GABBR2: variants seen among roughly 807,000 people sequenced by gnomAD.
GABBR2 encodes gamma-aminobutyric acid type B receptor subunit 2.
Under a neutral mutation model 105.6 loss-of-function variants are expected in GABBR2, and 23 were observed. The observed-to-expected ratio is 0.22, with a 90% CI of 0.16 to 0.31. GABBR2 has a LOEUF of 0.31. GABBR2 is among the 10% of genes least tolerant of loss of function. GABBR2 has a pLI of 1.00. For missense variants in GABBR2, 734 were observed against 1,245.5 expected, an observed-to-expected ratio of 0.59 and a Z score of 6.18; for synonymous variants, 478 against 499.7, an observed-to-expected ratio of 0.96 and a Z score of 0.58.
At chr9:98,666,430 T>G (rs1830334740) in intron 1 of GABBR2, among the ~76,000 whole-genome samples, 1 of 152,216 alleles carries the variant, frequency 6.6e-6, no homozygotes, top group Admixed American at 6.5e-5. Flanking sequence ...CTAGAGACAT[T>G]GCCCCCAAAA....
chr9:98,457,760 G>T (rs1826351565), intron 6 of GABBR2, among the ~76,000 whole-genome samples: 1 of 152,182 alleles, frequency 6.6e-6, no homozygotes, highest in South Asian at 2.1e-4. Context: ...ATTCATCATT[G>T]TTCCCAGGCG....
intron 3 of GABBR2, among the ~76,000 whole-genome samples, chr9:98,538,080 A>C (rs542855363): frequency 6.6e-6 from 1 of 152,332 alleles, no homozygotes; most frequent in African/African-American, 2.4e-5. Context: ...TGCCCCATGA[A>C]TCACTGGAGA....
rs117705687 is a variant in GABBR2, at chr9:98,695,288, C to T, written c.321+13129G>A. On this transcript the variant is annotated intron_variant, in intron 1 of 18. Transcript: ENST00000259455. ...GGGCATGGCAGACACCAAACAGATG[C>T]TGTGCCTGTCCTCATGGACTGGCCC... 2.8e-3 allele frequency among the ~76,000 whole-genome samples: 426 copies of T among 152,314 alleles called. 6 individuals carry two copies. In the East Asian group the frequency reaches 0.036, roughly 13 times the overall value.
At chr9:98,435,410 C>T (rs757094731) in intron 7 of GABBR2, among the ~76,000 whole-genome samples, 1 of 152,154 alleles carries the variant, frequency 6.6e-6, no homozygotes, top group Non-Finnish European at 1.5e-5. Context: ...GGTAAAACAC[C>T]AAGCCCTATC....
Position 98,369,557 on chromosome 9 carries a change from G to A in GABBR2, c.1770+1907C>T, listed in dbSNP as rs185764674. On this transcript the variant is annotated intron_variant, in intron 12 of 18. Coordinates refer to ENST00000259455, the MANE Select transcript of GABBR2 (RefSeq NM_005458.8). ...AAAGACTAAGAGCTTTGTCTAACAC[G>A]GCAGATCAGCAGTGGAGCAGAGCCT... is the stretch of plus-strand genomic sequence containing the variant. Among the ~76,000 whole-genome samples, 108 of 152,310 alleles carry A rather than the reference G, an allele frequency of 7.1e-4. 1 individual carries two copies. The highest frequency in any genetic ancestry group is 2.0e-3 in the Admixed American group (31 of 15,298).
At chr9:98,465,784 A>G (rs1245297563) in intron 6 of GABBR2, among the ~76,000 whole-genome samples, 2 of 152,250 alleles carry the variant, frequency 1.3e-5, no homozygotes, top group Non-Finnish European at 2.9e-5. Flanking sequence ...AAACTGTGGC[A>G]AAGACAGAAG....
intron 7 of GABBR2, among the ~76,000 whole-genome samples, chr9:98,447,063 C>CTTT (rs369338702): frequency 8.6e-6 from 1 of 116,338 alleles, no homozygotes. Flanking sequence ...AAAAAGACTT[C>CTTT]TTTTTTTTTT....
At chr9:98,374,635 T>A (rs557428151) in intron 11 of GABBR2, among the ~76,000 whole-genome samples, 1 of 152,190 alleles carries the variant, frequency 6.6e-6, no homozygotes. Context: ...CTAAAAACCC[T>A]GGGCGTGTCA....
chr9:98,386,560 C>G (rs961337361), intron 10 of GABBR2, among the ~76,000 whole-genome samples: 1 of 152,162 alleles, frequency 6.6e-6, no homozygotes, highest in East Asian at 1.9e-4. Flanking sequence ...CTGCATCCTT[C>G]TCTGTCATTT....
intron 9 of GABBR2, among the ~76,000 whole-genome samples, chr9:98,390,082 T>G (rs1323402898): frequency 6.6e-6 from 1 of 152,132 alleles, no homozygotes; most frequent in Non-Finnish European, 1.5e-5. Flanking sequence ...TTAGAAATAT[T>G]CAGTGGCTTT....
rs1827250969 is a variant in GABBR2 at position 98,495,053 on chromosome 9, TC to T, written c.732+1359del. Among the ~76,000 whole-genome samples the T allele has an allele frequency of 2.0e-5, 3 of 152,232 alleles. No individual in the cohort carries two copies. The South Asian group carries it at 6.2e-4, about 32-fold the overall frequency. On this transcript the variant is annotated intron_variant, in intron 4 of 18. Transcript: ENST00000259455. ...GCAGAGCAGCCACCCCACCCCTGAA[TC>T]CTCCAGGCCCAACACAGCCTGTGAC... is the stretch of plus-strand genomic sequence containing the variant.
At chr9:98,639,789 G>C (rs1421230093) in intron 1 of GABBR2, among the ~76,000 whole-genome samples, 1 of 151,960 alleles carries the variant, frequency 6.6e-6, no homozygotes, top group Non-Finnish European at 1.5e-5. Context: ...CAGCTCCAAG[G>C]GTCCCGGTGG....
At chr9:98,447,222 C>T (rs1002360913) in intron 7 of GABBR2, among the ~76,000 whole-genome samples, 2 of 141,328 alleles carry the variant, frequency 1.4e-5, no homozygotes, top group East Asian at 2.2e-4. Flanking sequence ...CCACTACGCC[C>T]GGCTAATTTT....
chr9:98,322,280 A>C (rs1830837224), intron 13 of GABBR2, among the ~76,000 whole-genome samples: 1 of 152,100 alleles, frequency 6.6e-6, no homozygotes, highest in African/African-American at 2.4e-5. Context: ...CTGTCTGCCC[A>C]GGTGAGACCA....
At chr9:98,401,227 C>T (rs565403479) in intron 8 of GABBR2, among the ~76,000 whole-genome samples, 200 of 152,246 alleles carry the variant, frequency 1.3e-3, no homozygotes, top group South Asian at 2.5e-3. Context: ...GAAATGAAGG[C>T]TCAAAGAGAC....
At chr9:98,685,270 A>G (rs1321192408) in intron 1 of GABBR2, among the ~76,000 whole-genome samples, 1 of 152,252 alleles carries the variant, frequency 6.6e-6, no homozygotes, top group Non-Finnish European at 1.5e-5. Flanking sequence ...AGGGGCTCTC[A>G]GGCCTTCGGC....
intron 3 of GABBR2, among the ~76,000 whole-genome samples, chr9:98,508,032 A>G (rs1827548113): frequency 6.6e-6 from 1 of 152,152 alleles, no homozygotes; most frequent in Admixed American, 6.5e-5. Context: ...ATCAGACCTT[A>G]TTGCTTTCCT....
chr9:98,564,905 G>T (rs1046119316), intron 2 of GABBR2, among the ~76,000 whole-genome samples: 15 of 152,088 alleles, frequency 9.9e-5, no homozygotes, highest in African/African-American at 3.6e-4. Flanking sequence ...GGAAGACTAG[G>T]AAGCCTTCCT....
intron 1 of GABBR2, among the ~76,000 whole-genome samples, chr9:98,687,959 C>T (rs1830640430): frequency 6.6e-6 from 1 of 152,202 alleles, no homozygotes; most frequent in South Asian, 2.1e-4. Flanking sequence ...TCACCTTCCC[C>T]AGCACATGCC....
Sources: gnomAD v4.1 joint callset for allele counts (sites outside exome capture counted in the v4.1 genomes callset) on GRCh38, gnomAD v4.1.1 for gene constraint, MANE v1.5 for transcripts, NCBI Gene and HGNC (gene_info 2026-07-23, HGNC 2026-07-21) for gene names.